Variants in MAGI1 observed in about 807,000 individuals in gnomAD.
MAGI1 encodes membrane associated guanylate kinase, WW and PDZ domain containing 1.
In MAGI1, 58 loss-of-function variants were observed where a neutral mutation model predicts 139.9. The observed-to-expected ratio is 0.41, with a 90% CI of 0.34 to 0.52. The LOEUF (loss-of-function observed/expected upper bound fraction) is 0.52, where lower values mean the gene tolerates loss of function less well. MAGI1 is among the 20% of genes least tolerant of loss of function. The pLI, the probability that MAGI1 is intolerant of heterozygous loss-of-function variation, is 0.12. For synonymous variants in MAGI1, 812 were observed against 737.9 expected (o/e 1.10, Z -1.63); for missense variants, 1,874 against 1,901.6 (o/e 0.99, Z 0.27).
chr3:66,035,065 C>A lies in MAGI1; in HGVS notation c.313+2931G>T, dbSNP rs2068842637. ...ACTATAGGTAAATGATACCTGAATA[C>A]ACATAATTATATATAACTTTGTAAA... On this transcript the variant is annotated intron_variant, in intron 1 of 22. Transcript: ENST00000402939. Among the ~76,000 whole-genome samples the A allele has an allele frequency of 1.3e-5, 2 of 152,114 alleles. 1 individual carries two copies. The highest frequency in any genetic ancestry group is 4.1e-4 in the South Asian group (2 of 4,824).
At chr3:65,379,793 C>T (rs1003952436) in intron 16 of MAGI1, among the ~76,000 whole-genome samples, 1 of 152,148 alleles carries the variant, frequency 6.6e-6, no homozygotes, top group East Asian at 1.9e-4. Context: ...TCCCAAATAG[C>T]GTTTGTTGTT....
intron 1 of MAGI1, among the ~76,000 whole-genome samples, chr3:65,811,605 C>T (rs2041238584): frequency 6.6e-6 from 1 of 151,922 alleles, no homozygotes. Flanking sequence ...GCAGAACGAG[C>T]TAAGGGTTAT....
chr3:65,724,843 AACTC>A (rs999399286), intron 1 of MAGI1, among the ~76,000 whole-genome samples: 5 of 152,120 alleles, frequency 3.3e-5, no homozygotes, highest in African/African-American at 9.7e-5. Flanking sequence ...ATCTCATGAG[AACTC>A]ACTCACTATC....
intron 2 of MAGI1, among the ~76,000 whole-genome samples, chr3:65,571,765 T>C (rs1188151201): frequency 6.6e-6 from 1 of 152,016 alleles, no homozygotes; most frequent in Non-Finnish European, 1.5e-5. Context: ...GAGATGTCAC[T>C]GGCCTCTGTG....
chr3:65,368,515 T>C (rs1941661131), intron 18 of MAGI1, among the ~76,000 whole-genome samples: 1 of 152,236 alleles, frequency 6.6e-6, no homozygotes, highest in African/African-American at 2.4e-5. Context: ...TATCTATCTG[T>C]GACAAGCAAT....
chr3:65,454,558 A>AATAATAATAATAATAAT (rs368786306), intron 5 of MAGI1, among the ~76,000 whole-genome samples: 4 of 140,546 alleles, frequency 2.8e-5, no homozygotes, highest in Admixed American at 7.0e-5. Context: ...ATAATAATAA[A>AATAATAATAATAATAAT]AAAATACTTG....
intron 1 of MAGI1, among the ~76,000 whole-genome samples, chr3:65,668,711 C>T (rs535636431): frequency 3.8e-4 from 57 of 150,986 alleles, no homozygotes; most frequent in Non-Finnish European, 6.5e-4. Context: ...GGGTTACAGG[C>T]GTGCTGTAAT....
chr3:65,790,848 G>C (rs954892661), intron 1 of MAGI1, among the ~76,000 whole-genome samples: 2 of 152,178 alleles, frequency 1.3e-5, no homozygotes, highest in African/African-American at 4.8e-5. Context: ...GCCAAGGCAG[G>C]CAGATCACTT....
chr3:65,626,712 C>T (rs1181173162), intron 1 of MAGI1, among the ~76,000 whole-genome samples: 1 of 152,190 alleles, frequency 6.6e-6, no homozygotes, highest in Non-Finnish European at 1.5e-5. Flanking sequence ...GGTCATCAAA[C>T]TAAAACTCCC....
intron 1 of MAGI1, among the ~76,000 whole-genome samples, chr3:65,797,205 T>C (rs1337245526): frequency 6.6e-6 from 1 of 152,196 alleles, no homozygotes; most frequent in East Asian, 1.9e-4. Context: ...TGTAAGCCAT[T>C]ATCCAGCTGC....
rs1174041681 is a variant in MAGI1, at chr3:65,379,402, CGATGCCGCTGGT to C, written c.2842_2853del (p.Thr948_Ile951del). 1 of 1,613,128 alleles carries C rather than the reference CGATGCCGCTGGT, an allele frequency of 6.2e-7. No homozygotes were observed. The highest frequency in any genetic ancestry group is 2.2e-5 in the East Asian group (1 of 44,850). On this transcript the variant is annotated inframe_deletion, in exon 17 of 23. Transcript: ENST00000402939. ...CCGCTGCCCCCGCCGCCGCCACTGC[CGATGCCGCTGGT>C]GCTGCCGCTGCCCGAGCTCACCGTG...
At chr3:65,435,078 C>T (rs980779162) in intron 10 of MAGI1, among the ~76,000 whole-genome samples, 1 of 152,176 alleles carries the variant, frequency 6.6e-6, no homozygotes, top group African/African-American at 2.4e-5. Flanking sequence ...ATTGGACACT[C>T]GATCTGCCAG....
chr3:65,653,171 C>T (rs1180635552), intron 1 of MAGI1, among the ~76,000 whole-genome samples: 1 of 152,114 alleles, frequency 6.6e-6, no homozygotes, highest in East Asian at 1.9e-4. Context: ...ACAAAGTCAC[C>T]TTTGACTCCC....
chr3:65,821,099 T>C (rs2041926682), intron 1 of MAGI1, among the ~76,000 whole-genome samples: 1 of 151,810 alleles, frequency 6.6e-6, no homozygotes, highest in South Asian at 2.1e-4. Context: ...GGAAGACAGG[T>C]GCATGGGTGC....
At chr3:65,919,679 TTCTCTCTCTC>T (rs10575249) in intron 1 of MAGI1, among the ~76,000 whole-genome samples, 20 of 148,538 alleles carry the variant, frequency 1.3e-4, no homozygotes, top group African/African-American at 4.0e-4. Context: ...TTCTCTCTCC[TTCTCTCTCTC>T]TCTCTCTCTC....
rs988307685 is a variant in MAGI1, at chr3:65,868,092, G to C, written c.313+169904C>G. On this transcript the variant is annotated intron_variant, in intron 1 of 22. Transcript: ENST00000402939. ...TTCTGGAAAGTTGGCCCTGTTTCAGGTAGAGAAAGAAAGACGCTCCAGTGC... is the reference window on the plus strand; with the variant it reads ...TTCTGGAAAGTTGGCCCTGTTTCAGCTAGAGAAAGAAAGACGCTCCAGTGC... Among the ~76,000 whole-genome samples, 3 of 152,244 alleles carry C rather than the reference G, an allele frequency of 2.0e-5. No individual in the cohort carries two copies. In the South Asian group the frequency reaches 6.2e-4, roughly 32 times the overall value.
At chr3:65,701,317 A>G (rs1019563359) in intron 1 of MAGI1, among the ~76,000 whole-genome samples, 1 of 152,172 alleles carries the variant, frequency 6.6e-6, no homozygotes, top group Non-Finnish European at 1.5e-5. Context: ...CAATGGCGTG[A>G]TCTTGCCTTA....
intron 2 of MAGI1, among the ~76,000 whole-genome samples, chr3:65,559,893 G>A (rs1056294131): frequency 3.3e-5 from 5 of 152,078 alleles, no homozygotes; most frequent in Admixed American, 1.3e-4. Context: ...AAAGCTAGCC[G>A]GGTATGGTGG....
intron 3 of MAGI1, among the ~76,000 whole-genome samples, chr3:65,483,317 C>T (rs933692590): frequency 2.0e-5 from 3 of 152,304 alleles, no homozygotes; most frequent in Admixed American, 1.3e-4. Flanking sequence ...TCTTCTTTGC[C>T]TCTATGCACC....
Sources: gnomAD v4.1 joint callset for allele counts (sites outside exome capture counted in the v4.1 genomes callset) on GRCh38, gnomAD v4.1.1 for gene constraint, MANE v1.5 for transcripts, NCBI Gene and HGNC (gene_info 2026-07-23, HGNC 2026-07-21) for gene names.